The following EIF4E3 variants were observed in gnomAD, a reference collection of about 807,000 sequenced individuals.
EIF4E3 encodes eukaryotic translation initiation factor 4E type 3.
In EIF4E3, 26 loss-of-function variants were observed where a neutral mutation model predicts 31.7. The ratio of observed to expected loss-of-function variants is 0.82; its 90% confidence interval spans 0.60 to 1.14. The LOEUF (loss-of-function observed/expected upper bound fraction) is 1.14, where lower values mean the gene tolerates loss of function less well. Among genes scored for constraint, EIF4E3 ranks in the 50% most tolerant of loss-of-function variants. The pLI is 0.00. For synonymous variants in EIF4E3, 128 were observed against 107.7 expected, an observed-to-expected ratio of 1.19 and a Z score of -1.17; for missense variants, 304 against 270.9, an observed-to-expected ratio of 1.12 and a Z score of -0.86.
chr3:71,686,543 A>AGTGTGTGTGTGTGTGTGT (rs61264269), intron 6 of EIF4E3, among the ~76,000 whole-genome samples: 1,844 of 143,560 alleles, frequency 0.013, 20 homozygotes, highest in Non-Finnish European at 0.021. Flanking sequence ...TTTCACATTG[A>AGTGTGTGTGTGTGTGTGT]GTGTGTGTGT....
At chr3:71,714,989 C>G (rs1218535586) in intron 1 of EIF4E3, among the ~76,000 whole-genome samples, 7 of 152,246 alleles carry the variant, frequency 4.6e-5, no homozygotes, top group Non-Finnish European at 1.0e-4. Context: ...TCCTTTCATT[C>G]ATGTTATAAA....
chr3:71,723,984 C>T (rs921098284), intron 1 of EIF4E3, among the ~76,000 whole-genome samples: 1 of 151,398 alleles, frequency 6.6e-6, no homozygotes, highest in African/African-American at 2.4e-5. Context: ...CTTGTCTTAA[C>T]CAAAAAAAAA....
the EIF4E3 span, among the ~76,000 whole-genome samples, chr3:71,667,315 G>A: frequency 2.6e-5 from 4 of 152,154 alleles, no homozygotes; most frequent in Admixed American, 2.0e-4. Context: ...GGCAAAAGCT[G>A]GAAGCATTCC....
chr3:71,735,800 C>T (rs2049756732), intron 1 of EIF4E3, among the ~76,000 whole-genome samples: 2 of 151,490 alleles, frequency 1.3e-5, no homozygotes, highest in Admixed American at 1.3e-4. Context: ...ATCATTTATC[C>T]ACCTCCCTCC....
In EIF4E3 at chr3:71,679,618, A is replaced by G. The variant is rs547346578; in HGVS notation, c.*5064T>C. ...ACTCTGAATTTCAGTAGCAATGATG[A>G]ACAAAAAAATACTGACTTTGCAATG... On this transcript the variant is annotated 3_prime_UTR_variant, in exon 7 of 7. Transcript: ENST00000425534. 6.6e-6 allele frequency: 1 copy of G among 152,352 alleles called. No homozygotes were observed. Among genetic ancestry groups the G allele is most frequent in the East Asian group, 1.9e-4 (1 of 5,194 alleles). 9.4% of individuals were successfully genotyped at this position (152,352 alleles called of 1,614,324 possible). A position where few individuals can be genotyped will look rare whatever the true frequency, so the allele number is the denominator to read the frequency against.
At chr3:71,691,008 G>GA (rs2049056674) in intron 5 of EIF4E3, among the ~76,000 whole-genome samples, 1 of 152,178 alleles carries the variant, frequency 6.6e-6, no homozygotes, top group Non-Finnish European at 1.5e-5. Context: ...GGATAGTAAG[G>GA]TGTTATACTG....
chr3:71,686,051 A>G (rs926035393), intron 6 of EIF4E3, among the ~76,000 whole-genome samples: 5 of 151,934 alleles, frequency 3.3e-5, no homozygotes, highest in Non-Finnish European at 5.9e-5. Flanking sequence ...GCATCATGCT[A>G]CTCGGCTCAC....
Position 71,725,057 on chromosome 3 carries a change from A to T in EIF4E3, c.176+135T>A. On this transcript the variant is annotated intron_variant, in intron 1 of 6. Coordinates refer to ENST00000425534, the MANE Select transcript of EIF4E3 (RefSeq NM_001134651.2). The surrounding 1 kb of genome is among the most constrained non-coding windows in gnomAD (Gnocchi z 6.1). ...CGGCGGGGCGAGTCCCGGGGTGCGC[A>T]GGCGGACGCGCGGAGGGGCCGAGGT... The T allele has an allele frequency of 1.5e-6, 1 of 653,034 alleles. No individual in the cohort carries two copies. Among genetic ancestry groups the T allele is most frequent in the Non-Finnish European group, 1.9e-6 (1 of 522,250 alleles). 40.5% of individuals were successfully genotyped at this position (653,034 alleles called of 1,614,324 possible).
intron 1 of EIF4E3, among the ~76,000 whole-genome samples, chr3:71,748,707 A>C (rs2049897385): frequency 6.6e-6 from 1 of 152,196 alleles, no homozygotes; most frequent in African/African-American, 2.4e-5. Context: ...GGGACACCCC[A>C]CACACATGCG....
chr3:71,722,100 G>T (rs1174373231), intron 1 of EIF4E3, among the ~76,000 whole-genome samples: 3 of 151,568 alleles, frequency 2.0e-5, no homozygotes, highest in Non-Finnish European at 4.4e-5. Context: ...CCTCGGGGGG[G>T]CGGGGGTGGG....
chr3:71,706,073 G>C (rs2049289494), intron 2 of EIF4E3, among the ~76,000 whole-genome samples: 1 of 152,258 alleles, frequency 6.6e-6, no homozygotes, highest in African/African-American at 2.4e-5. Flanking sequence ...AATTTTCCAA[G>C]AAAGTTAGGA....
intron 2 of EIF4E3, among the ~76,000 whole-genome samples, chr3:71,709,132 G>A (rs965714746): frequency 3.9e-5 from 6 of 152,132 alleles, no homozygotes; most frequent in Non-Finnish European, 5.9e-5. Flanking sequence ...GTAAGAGGCT[G>A]CCTAAGAGAC....
At chr3:71,668,503 A>G in the EIF4E3 span, among the ~76,000 whole-genome samples, 1 of 152,148 alleles carries the variant, frequency 6.6e-6, no homozygotes, top group Non-Finnish European at 1.5e-5. Context: ...CCATCTGACA[A>G]AGGGCTAATA....
At chr3:71,748,743 TA>T (rs1279359869) in intron 1 of EIF4E3, among the ~76,000 whole-genome samples, 1 of 151,958 alleles carries the variant, frequency 6.6e-6, no homozygotes, top group Admixed American at 6.5e-5. Context: ...GACCATATAC[TA>T]GGCAATTTAG....
At chr3:71,672,148 G>A (rs2107982852), downstream of EIF4E3, among the ~76,000 whole-genome samples, 1 of 152,192 alleles carries the variant, frequency 6.6e-6, no homozygotes, top group East Asian at 1.9e-4. Context: ...CTGGACTTGG[G>A]GAGTTTCATT....
chr3:71,747,608 C>T (rs967854727), intron 1 of EIF4E3, among the ~76,000 whole-genome samples: 1 of 152,076 alleles, frequency 6.6e-6, no homozygotes, highest in African/African-American at 2.4e-5. Context: ...AAGCACAAAC[C>T]CTAAAAATTT....
rs886351902 is a variant in EIF4E3 at position 71,681,838 on chromosome 3, G to A, written c.*2844C>T. ...AGACATGGGCTAAACTCAAGAAGAG[G>A]GGTGAGAAAGAGTCATCTTAATCTT... On this transcript the variant is annotated 3_prime_UTR_variant, in exon 7 of 7. Coordinates refer to ENST00000425534, the MANE Select transcript of EIF4E3 (RefSeq NM_001134651.2). 6 of 152,222 alleles carry A rather than the reference G, an allele frequency of 3.9e-5. No individual in the cohort carries two copies. The East Asian group carries it at 7.7e-4, about 20-fold the overall frequency. The allele number at this position is 152,222 out of a possible 1,614,324, so 9.4% of individuals were successfully genotyped here.
chr3:71,714,293 GGAAGGAAGGAAC>G (rs1253463132), intron 1 of EIF4E3, among the ~76,000 whole-genome samples: 4,531 of 113,410 alleles, frequency 0.04, 80 homozygotes, highest in African/African-American at 0.056. Flanking sequence ...AAGGAAGGAA[GGAAGGAAGGAAC>G]GAAAGAAAGG....
rs973785671 is a variant in EIF4E3, at chr3:71,700,803, G to A, written c.250-1095C>T. Among the ~76,000 whole-genome samples, 5 of 152,192 alleles carry A rather than the reference G, an allele frequency of 3.3e-5. No individual in the cohort carries two copies. In the South Asian group the frequency reaches 6.2e-4, roughly 19 times the overall value. On this transcript the variant is annotated intron_variant, in intron 2 of 6. Transcript: ENST00000425534. Reference sequence around the variant, plus strand: ...CTCAGGTGCTGAAACAACAAGCTGCGCAAGATACACAGTGTTACGGACTGC... The same window carrying A: ...CTCAGGTGCTGAAACAACAAGCTGCACAAGATACACAGTGTTACGGACTGC...
Sources: allele counts gnomAD v4.1 joint callset (sites outside exome capture counted in the v4.1 genomes callset), GRCh38; gene constraint gnomAD v4.1.1; non-coding constraint Gnocchi (gnomAD v3.1); transcripts MANE v1.5; gene names NCBI Gene and HGNC (gene_info 2026-07-23, HGNC 2026-07-21).